Variants in RYK observed in about 807,000 individuals in gnomAD.
RYK encodes the protein receptor like tyrosine kinase.
Under a neutral mutation model 70.2 loss-of-function variants are expected in RYK, and 21 were observed. The observed-to-expected ratio is 0.30, with a 90% CI of 0.21 to 0.43. The LOEUF is 0.43. RYK is among the 20% of genes least tolerant of loss of function. RYK has a pLI of 1.00. For missense variants in RYK, 604 were observed against 753.3 expected, an observed-to-expected ratio of 0.80 and a Z score of 2.32; for synonymous variants, 267 against 278.0, an observed-to-expected ratio of 0.96 and a Z score of 0.39.
chr3:134,165,730 T>G (rs2012643660), intron 13 of RYK, among the ~76,000 whole-genome samples: 1 of 152,260 alleles, frequency 6.6e-6, no homozygotes, highest in Admixed American at 6.5e-5. Context: ...TCCTAAGGTT[T>G]AATATTGTTT....
intron 10 of RYK, among the ~76,000 whole-genome samples, chr3:134,182,414 T>C (rs1447627199): frequency 6.6e-6 from 1 of 152,186 alleles, no homozygotes; most frequent in Non-Finnish European, 1.5e-5. Flanking sequence ...GAAAACTATC[T>C]TCTTTTTATT....
chr3:134,220,459 T>C (rs1487238346), intron 2 of RYK, among the ~76,000 whole-genome samples: 1 of 152,140 alleles, frequency 6.6e-6, no homozygotes, highest in Non-Finnish European at 1.5e-5. Context: ...CAAACAAGTA[T>C]ACTTAAAATG....
At chr3:134,167,589 G>A (rs2012722176) in intron 13 of RYK, among the ~76,000 whole-genome samples, 1 of 152,182 alleles carries the variant, frequency 6.6e-6, no homozygotes, top group Admixed American at 6.5e-5. Context: ...AGGTGAAACT[G>A]GATCCCTTCC....
chr3:134,204,332 G>T (rs150547544), intron 5 of RYK, among the ~76,000 whole-genome samples: 2 of 149,294 alleles, frequency 1.3e-5, no homozygotes, highest in African/African-American at 4.9e-5. Flanking sequence ...CATCTCTACT[G>T]AAAAAAAAAT....
intron 13 of RYK, among the ~76,000 whole-genome samples, chr3:134,164,366 T>C (rs1000642758): frequency 6.6e-6 from 1 of 152,198 alleles, no homozygotes; most frequent in Non-Finnish European, 1.5e-5. Flanking sequence ...ATAAGGAGCA[T>C]ATCTATCACT....
intron 1 of RYK, 50 bp downstream of exon 1, chr3:134,250,373 T>C: frequency 1.6e-6 from 2 of 1,215,752 alleles, no homozygotes; most frequent in East Asian, 3.3e-5. Flanking sequence ...GGCCGGAAGC[T>C]GCCCCAGCCG....
At chr3:134,211,190 C>T (rs1184629591) in intron 3 of RYK, among the ~76,000 whole-genome samples, 1 of 152,094 alleles carries the variant, frequency 6.6e-6, no homozygotes, top group East Asian at 1.9e-4. Context: ...GTGCAAAGAT[C>T]ATCTGGGCCA....
intron 13 of RYK, among the ~76,000 whole-genome samples, chr3:134,169,698 T>C (rs539767931): frequency 6.6e-6 from 1 of 152,322 alleles, no homozygotes; most frequent in Admixed American, 6.5e-5. Flanking sequence ...TATTTCTAAA[T>C]AAATCGTGTA....
chr3:134,241,081 G>A (rs745368301), intron 1 of RYK, among the ~76,000 whole-genome samples: 1 of 149,394 alleles, frequency 6.7e-6, no homozygotes, highest in Admixed American at 6.7e-5. Flanking sequence ...AGCACTTTGG[G>A]AAGCCCAGAC....
chr3:134,159,186 C>T, intron 14 of RYK, 51 bp downstream of exon 14: 1 of 1,588,304 alleles, frequency 6.3e-7, no homozygotes, highest in Non-Finnish European at 8.6e-7. Flanking sequence ...TCCTTTATTC[C>T]AATATAGTAA....
intron 5 of RYK, among the ~76,000 whole-genome samples, chr3:134,203,281 G>C (rs1033849076): frequency 6.6e-6 from 1 of 152,216 alleles, no homozygotes; most frequent in Non-Finnish European, 1.5e-5. Flanking sequence ...CTGGGAGGCA[G>C]AGGTTGCAGT....
intron 8 of RYK, 126 bp from the exon 9 acceptor site, chr3:134,189,049 C>T (rs141548287): frequency 0.013 from 6,816 of 531,218 alleles, 78 homozygotes; most frequent in Non-Finnish European, 0.017. Context: ...TTACTGTAGC[C>T]CTAGAGTAAA....
At chr3:134,237,791 T>C (rs914721358) in intron 1 of RYK, among the ~76,000 whole-genome samples, 37 of 152,248 alleles carry the variant, frequency 2.4e-4, no homozygotes, top group Non-Finnish European at 5.3e-4. Flanking sequence ...CATGGTTTCC[T>C]AGTGTCAGCC....
At chr3:134,229,216 C>T (rs2014989393) in intron 1 of RYK, among the ~76,000 whole-genome samples, 1 of 152,008 alleles carries the variant, frequency 6.6e-6, no homozygotes, top group Admixed American at 6.5e-5. Context: ...CTCTGGGGCT[C>T]TGTCGCTCTT....
At chr3:134,229,772 A>G (rs778914280) in intron 1 of RYK, among the ~76,000 whole-genome samples, 6 of 152,186 alleles carry the variant, frequency 3.9e-5, no homozygotes, top group Non-Finnish European at 1.5e-5. Flanking sequence ...CAGACATTTC[A>G]TAATTATATA....
At chr3:134,191,495 C>G (rs1356327724) in intron 8 of RYK, among the ~76,000 whole-genome samples, 1 of 152,204 alleles carries the variant, frequency 6.6e-6, no homozygotes, top group Non-Finnish European at 1.5e-5. Context: ...ATTCCTTCCG[C>G]TACAACCCCC....
chr3:134,176,782 G>A (rs147052841), intron 11 of RYK, among the ~76,000 whole-genome samples: 208 of 152,222 alleles, frequency 1.4e-3, no homozygotes, highest in African/African-American at 4.8e-3. Context: ...TGGGTGCGGT[G>A]GCTCACATTT....
intron 3 of RYK, among the ~76,000 whole-genome samples, chr3:134,210,801 T>G (rs906184273): frequency 1.3e-5 from 2 of 152,122 alleles, no homozygotes; most frequent in Non-Finnish European, 2.9e-5. Context: ...ATGTAATCAG[T>G]GCAAAAACAG....
intron 2 of RYK, among the ~76,000 whole-genome samples, chr3:134,218,665 G>C (rs1164432434): frequency 6.6e-6 from 1 of 152,184 alleles, no homozygotes; most frequent in East Asian, 1.9e-4. Flanking sequence ...AGAAAAGAAA[G>C]GCCGAGACCA....
Sources: allele counts gnomAD v4.1 joint callset (sites outside exome capture counted in the v4.1 genomes callset), GRCh38; gene constraint gnomAD v4.1.1; transcripts MANE v1.5; gene names NCBI Gene and HGNC (gene_info 2026-07-23, HGNC 2026-07-21).